Variants in HSF2 observed in about 807,000 individuals in gnomAD.
HSF2 encodes the protein heat shock factor protein 2.
HSF2 carries 21 observed loss-of-function variants against 65.0 expected under a neutral mutation model. The observed-to-expected ratio is 0.32, with a 90% confidence interval of 0.23 to 0.47. The LOEUF (loss-of-function observed/expected upper bound fraction) is 0.47. HSF2 is among the 20% of genes least tolerant of loss of function. The probability of loss-of-function intolerance (pLI) is 1.00; values close to 1 mark genes in which losing one functional copy is unlikely to be tolerated. For missense variants in HSF2, 499 were observed against 628.1 expected (o/e 0.79, Z 2.20); for synonymous variants, 225 against 219.1 (o/e 1.03, Z -0.24).
intron 1 of HSF2, among the ~76,000 whole-genome samples, chr6:122,404,597 A>AAG (rs201267860): frequency 2.8e-4 from 41 of 147,138 alleles, no homozygotes; most frequent in Non-Finnish European, 5.0e-4. Context: ...AGAGTGCCAA[A>AAG]ATTAATTTGG....
chr6:122,416,210 T>G lies in HSF2; in HGVS notation c.456-11T>G. On this transcript the variant is annotated splice_polypyrimidine_tract_variant and intron_variant, in intron 4 of 12. Coordinates refer to ENST00000368455, the MANE Select transcript of HSF2 (RefSeq NM_004506.4). ...TTTTTTTGTTTTGTTGCTTAATAAA[T>G]TATAACATAGTGAGAATGAGTCCCT... 6.4e-7 allele frequency: 1 copy of G among 1,564,928 alleles called. No individual in the cohort carries two copies. Among genetic ancestry groups the G allele is most frequent in the Non-Finnish European group, 8.8e-7 (1 of 1,137,532 alleles).
At chr6:122,402,966 T>C (rs1369072373) in intron 1 of HSF2, among the ~76,000 whole-genome samples, 1 of 152,148 alleles carries the variant, frequency 6.6e-6, no homozygotes, top group Admixed American at 6.5e-5. Context: ...TTGAGAACTT[T>C]TAGAAGAAGC....
rs560766870 is a variant in HSF2, at chr6:122,399,966, C to T, written c.93+136C>T. 65 of 699,934 alleles carry T rather than the reference C, an allele frequency of 9.3e-5. No individual in the cohort carries two copies. In the South Asian group the frequency reaches 1.0e-3, roughly 11 times the overall value. The allele number at this position is 699,934 out of a possible 1,614,324, so 43.4% of individuals were successfully genotyped here. A position where few individuals can be genotyped will look rare whatever the true frequency, so the allele number is the denominator to read the frequency against. ...CGCGGTGCGGGGCCTTGGCGTTCAGCCTCGCGGGGGACCCCCTGTATTGTT... is the reference window on the plus strand; with the variant it reads ...CGCGGTGCGGGGCCTTGGCGTTCAGTCTCGCGGGGGACCCCCTGTATTGTT... On this transcript the variant is annotated intron_variant, in intron 1 of 12. Coordinates refer to ENST00000368455, the MANE Select transcript of HSF2 (RefSeq NM_004506.4).
Position 122,422,967 on chromosome 6 carries a change from T to C in HSF2, c.1070+10T>C, listed in dbSNP as rs1160548079. The C allele has an allele frequency of 6.2e-7, 1 of 1,612,466 alleles. No individual in the cohort carries two copies. The highest frequency in any genetic ancestry group is 8.5e-7 in the Non-Finnish European group (1 of 1,178,710). On this transcript the variant is annotated intron_variant, in intron 9 of 12. Coordinates refer to ENST00000368455, the MANE Select transcript of HSF2 (RefSeq NM_004506.4). ...TCAATCTTTTGGGAAAGTGAGTGCT[T>C]ATCTAGATGTTGTCTAAAATTATTT...
intron 5 of HSF2, among the ~76,000 whole-genome samples, chr6:122,417,864 A>G (rs1434563602): frequency 2.0e-5 from 3 of 152,324 alleles, no homozygotes; most frequent in East Asian, 1.9e-4. Flanking sequence ...TTAAGCTTAC[A>G]TATTGTCTTT....
In HSF2 at chr6:122,419,173, C is replaced by T. The variant is rs772032459; in HGVS notation, c.537C>T (p.Val179=). 10 of 1,441,600 alleles carry T rather than the reference C, an allele frequency of 6.9e-6. No individual in the cohort carries two copies. In the Admixed American group the frequency reaches 1.6e-4, roughly 23 times the overall value. The allele number at this position is 1,441,600 out of a possible 1,614,324, so 89.3% of individuals were successfully genotyped here. ...AQQQQVIRKI[V]QFIVTLVQNN... ...TTTGTTTATATTTTTTTCAGATTGT[C>T]CAGTTTATTGTTACATTGGTTCAAA... Residue 179 remains valine, a synonymous_variant, in exon 6 of 13, where the codon GTC becomes GTT. Transcript: ENST00000368455.
intron 12 of HSF2, among the ~76,000 whole-genome samples, 170 bp downstream of exon 12, chr6:122,431,684 G>GTTTT (rs3085253): frequency 2.7e-5 from 4 of 149,052 alleles, no homozygotes; most frequent in Admixed American, 6.7e-5. Context: ...AATTCTTTAA[G>GTTTT]TTTTTTTTTT....
At chr6:122,404,139 T>A (rs1773808011) in intron 1 of HSF2, among the ~76,000 whole-genome samples, 1 of 152,192 alleles carries the variant, frequency 6.6e-6, no homozygotes, top group Non-Finnish European at 1.5e-5. Context: ...TCTCTGCTTC[T>A]CTATCCCCCT....
At chr6:122,402,098 T>G (rs1773746135) in intron 1 of HSF2, among the ~76,000 whole-genome samples, 1 of 152,252 alleles carries the variant, frequency 6.6e-6, no homozygotes, top group Non-Finnish European at 1.5e-5. Flanking sequence ...ATTTTATGTG[T>G]GGCCCAAGAC....
chr6:122,420,312 G>A (rs1774205167), intron 7 of HSF2, 90 bp downstream of exon 7: 3 of 918,866 alleles, frequency 3.3e-6, no homozygotes, highest in African/African-American at 1.7e-5. Context: ...GAAGTGTGGT[G>A]AATAACAATT....
In HSF2 at chr6:122,403,341, C is replaced by T. The variant is rs187380452; in HGVS notation, c.93+3511C>T. On this transcript the variant is annotated intron_variant, in intron 1 of 12. Transcript: ENST00000368455. ...CATAATGTGGCTAGGCGTGGTGGCT[C>T]ATGCCTGTAATCCCAGCACTTTGGG... 4.0e-4 allele frequency among the ~76,000 whole-genome samples: 61 copies of T among 152,294 alleles called. 1 individual carries two copies. The highest frequency in any genetic ancestry group is 1.3e-3 in the African/African-American group (53 of 41,554).
chr6:122,425,184 T>C (rs964302223), intron 10 of HSF2, among the ~76,000 whole-genome samples: 2 of 152,084 alleles, frequency 1.3e-5, no homozygotes, highest in Non-Finnish European at 2.9e-5. Flanking sequence ...ACCATTCTGC[T>C]TCTCTAACTC....
chr6:122,429,886 G>T (rs1289290935), intron 11 of HSF2, among the ~76,000 whole-genome samples: 3 of 152,166 alleles, frequency 2.0e-5, no homozygotes, highest in African/African-American at 7.2e-5. Context: ...TAAGCTTTAT[G>T]ATGTGCTGCT....
chr6:122,402,189 T>TCTTCCAC (rs1008511105), intron 1 of HSF2, among the ~76,000 whole-genome samples: 11 of 152,340 alleles, frequency 7.2e-5, no homozygotes, highest in East Asian at 5.8e-4. Flanking sequence ...CCCAGATCAG[T>TCTTCCAC]CTTCCACCAA....
At chr6:122,422,016 G>C in intron 7 of HSF2, 134 bp from the exon 8 acceptor site, 2 of 623,442 alleles carry the variant, frequency 3.2e-6, no homozygotes, top group South Asian at 2.0e-5. Context: ...AGTTCCGTAA[G>C]AGCAGAGAAC....
At chr6:122,419,589 CCT>C (rs1446580165) in intron 6 of HSF2, among the ~76,000 whole-genome samples, 1 of 152,066 alleles carries the variant, frequency 6.6e-6, no homozygotes, top group East Asian at 1.9e-4. Context: ...TTTTACTTGA[CCT>C]CTCTTAGTTT....
At chr6:122,423,853 A>G (rs113701026) in intron 10 of HSF2, among the ~76,000 whole-genome samples, 167 bp downstream of exon 10, 7 of 152,136 alleles carry the variant, frequency 4.6e-5, no homozygotes, top group South Asian at 2.1e-4. Flanking sequence ...GGTTTGGGAC[A>G]TTGAAGGAGT....
rs774213225 is a variant in HSF2 at position 122,399,764 on chromosome 6, T to G, written c.27T>G (p.Ala9=). The G allele has an allele frequency of 6.2e-7, 1 of 1,612,468 alleles. No homozygotes were observed. Among genetic ancestry groups the G allele is most frequent in the East Asian group, 2.2e-5 (1 of 44,716 alleles). ...TGAAGCAGAGTTCGAACGTGCCGGC[T>G]TTCCTCAGCAAGCTGTGGACGCTTG... MKQSSNVP[A]FLSKLWTLVE... Residue 9 remains alanine, a synonymous_variant, in exon 1 of 13, where the codon GCT becomes GCG. Transcript: ENST00000368455.
chr6:122,402,029 A>G (rs1237722518), intron 1 of HSF2, among the ~76,000 whole-genome samples: 1 of 152,222 alleles, frequency 6.6e-6, no homozygotes, highest in Non-Finnish European at 1.5e-5. Flanking sequence ...TCTTAAAGAA[A>G]CATGAGATAT....
Sources: gnomAD v4.1 joint callset for allele counts (sites outside exome capture counted in the v4.1 genomes callset) on GRCh38, gnomAD v4.1.1 for gene constraint, MANE v1.5 for transcripts, NCBI Gene and HGNC (gene_info 2026-07-23, HGNC 2026-07-21) for gene names.